EPHA6: variants seen among roughly 807,000 people sequenced by gnomAD.
EPHA6 encodes the protein EPH receptor A6.
Under a neutral mutation model 112.0 loss-of-function variants are expected in EPHA6, and 50 were observed. The ratio of observed to expected loss-of-function variants is 0.45; its 90% CI spans 0.36 to 0.56. EPHA6 has a LOEUF of 0.56. EPHA6 is among the 20% of genes least tolerant of loss of function. The probability of loss-of-function intolerance (pLI) is 0.00; values close to 1 mark genes in which losing one functional copy is unlikely to be tolerated. For synonymous variants in EPHA6, 529 were observed against 490.7 expected (o/e 1.08, Z -1.03); for missense variants, 1,280 against 1,417.4 (o/e 0.90, Z 1.56).
chr3:97,327,263 ATTC>A (rs746541864), intron 5 of EPHA6, among the ~76,000 whole-genome samples: 11 of 152,000 alleles, frequency 7.2e-5, no homozygotes, highest in Non-Finnish European at 1.5e-4. Flanking sequence ...CATGAGTGCA[ATTC>A]TTATTTTTAA....
At chr3:97,386,515 C>A (rs1367744368) in intron 5 of EPHA6, among the ~76,000 whole-genome samples, 1 of 152,196 alleles carries the variant, frequency 6.6e-6, no homozygotes, top group Non-Finnish European at 1.5e-5. Flanking sequence ...CCAGGGCACA[C>A]TGATGCAAAA....
chr3:97,297,858 A>G (rs2080932910), intron 5 of EPHA6, among the ~76,000 whole-genome samples: 1 of 151,956 alleles, frequency 6.6e-6, no homozygotes, highest in Admixed American at 6.6e-5. Context: ...CCACTGCCCC[A>G]GTTCAAGTGA....
At chr3:96,911,511 A>G (rs568460440) in intron 2 of EPHA6, among the ~76,000 whole-genome samples, 2 of 152,174 alleles carry the variant, frequency 1.3e-5, no homozygotes, top group South Asian at 4.1e-4. Flanking sequence ...GAGCATGCCC[A>G]TGGAATACAG....
chr3:97,550,467 C>G (rs571136157), intron 11 of EPHA6, among the ~76,000 whole-genome samples: 6 of 152,172 alleles, frequency 3.9e-5, no homozygotes, highest in African/African-American at 1.4e-4. Flanking sequence ...TCTCTTCGTC[C>G]AAACACCAAA....
At chr3:97,547,699 G>A (rs1044091829) in intron 11 of EPHA6, among the ~76,000 whole-genome samples, 1 of 152,212 alleles carries the variant, frequency 6.6e-6, no homozygotes, top group South Asian at 2.1e-4. Flanking sequence ...TTGAGCTGTG[G>A]TGGGCTCCAC....
At chr3:96,843,889 T>C (rs1296523371) in intron 1 of EPHA6, among the ~76,000 whole-genome samples, 1 of 152,052 alleles carries the variant, frequency 6.6e-6, no homozygotes, top group Non-Finnish European at 1.5e-5. Context: ...TTTTATTATT[T>C]GAAAAAAACC....
intron 5 of EPHA6, among the ~76,000 whole-genome samples, chr3:97,390,210 A>G (rs2086318631): frequency 6.6e-6 from 1 of 152,110 alleles, no homozygotes; most frequent in Non-Finnish European, 1.5e-5. Context: ...GGCTTGAACC[A>G]GAAACAATGG....
intron 3 of EPHA6, among the ~76,000 whole-genome samples, chr3:96,994,808 A>G (rs1189939586): frequency 6.8e-6 from 1 of 147,648 alleles, no homozygotes; most frequent in Non-Finnish European, 1.5e-5. Flanking sequence ...GTATATATAT[A>G]TATAGAGAGA....
intron 6 of EPHA6, chr3:97,447,819 G>A: frequency 9.9e-7 from 1 of 1,013,712 alleles, no homozygotes; most frequent in Non-Finnish European, 1.2e-6. Flanking sequence ...CCCTGCCTCT[G>A]ATTCTGCAGG....
chr3:97,416,977 A>G (rs2088181269), intron 6 of EPHA6, among the ~76,000 whole-genome samples: 1 of 152,166 alleles, frequency 6.6e-6, no homozygotes, highest in Non-Finnish European at 1.5e-5. Flanking sequence ...TCTTTAACAT[A>G]TTTATAATCA....
chr3:97,194,673 T>G (rs1001151473), intron 3 of EPHA6, among the ~76,000 whole-genome samples: 1 of 150,400 alleles, frequency 6.6e-6, no homozygotes, highest in Non-Finnish European at 1.5e-5. Flanking sequence ...GTGTTGAAGT[T>G]GCCATCTATT....
chr3:97,667,014 T>A (rs1170837009), intron 14 of EPHA6, among the ~76,000 whole-genome samples: 2 of 152,226 alleles, frequency 1.3e-5, no homozygotes, highest in South Asian at 2.1e-4. Context: ...ATCTACCTCT[T>A]TTTATTAAAC....
intron 3 of EPHA6, among the ~76,000 whole-genome samples, chr3:97,090,212 A>G (rs1252325461): frequency 6.6e-6 from 1 of 152,084 alleles, no homozygotes; most frequent in Non-Finnish European, 1.5e-5. Context: ...AAACTGTTTC[A>G]AAATGGATTA....
chr3:97,436,452 G>A (rs2089842150), intron 6 of EPHA6, among the ~76,000 whole-genome samples: 1 of 152,092 alleles, frequency 6.6e-6, no homozygotes, highest in South Asian at 2.1e-4. Flanking sequence ...ATGGGAAAAA[G>A]TGAAAAATAA....
Position 97,161,122 on chromosome 3 carries a change from A to T in EPHA6, c.1115-65142A>T, listed in dbSNP as rs567096401. On this transcript the variant is annotated intron_variant, in intron 3 of 17. Transcript: ENST00000389672. Reference sequence around the variant, plus strand: ...ATGATGGAGTGTTGTTTGCATGCCCAACTTTATGGCTTCATAGGTTAGTTA... The same window carrying T: ...ATGATGGAGTGTTGTTTGCATGCCCTACTTTATGGCTTCATAGGTTAGTTA... Among the ~76,000 whole-genome samples the T allele has an allele frequency of 2.6e-4, 39 of 152,254 alleles. No homozygotes were observed. In the South Asian group the frequency reaches 7.9e-3, roughly 31 times the overall value.
chr3:96,870,733 C>T (rs1193696713), intron 2 of EPHA6, among the ~76,000 whole-genome samples: 1 of 152,052 alleles, frequency 6.6e-6, no homozygotes, highest in Non-Finnish European at 1.5e-5. Flanking sequence ...AGATTACAAT[C>T]AACCTCTGTA....
Position 97,748,857 on chromosome 3 carries a change from A to G in EPHA6, c.*156A>G. Reference sequence around the variant, plus strand: ...ACACCTTATGTTTATGCTTCCAACCAGGATTTTAAAATCATGCTACATAAA... The same window carrying G: ...ACACCTTATGTTTATGCTTCCAACCGGGATTTTAAAATCATGCTACATAAA... On this transcript the variant is annotated 3_prime_UTR_variant, in exon 18 of 18. Coordinates refer to ENST00000389672, the MANE Select transcript of EPHA6 (RefSeq NM_001080448.3). 5 of 599,152 alleles carry G rather than the reference A, an allele frequency of 8.3e-6. No individual in the cohort carries two copies. The highest frequency in any genetic ancestry group is 1.5e-5 in the Non-Finnish European group (5 of 332,080). The allele number at this position is 599,152 out of a possible 1,614,324, so 37.1% of individuals were successfully genotyped here.
At chr3:97,687,573 A>G (rs566885004) in intron 14 of EPHA6, among the ~76,000 whole-genome samples, 14 of 152,268 alleles carry the variant, frequency 9.2e-5, no homozygotes, top group African/African-American at 3.1e-4. Flanking sequence ...TTATTTTTAT[A>G]CTGTATTTTC....
At chr3:97,491,541 A>T (rs77257077) in intron 10 of EPHA6, among the ~76,000 whole-genome samples, 1 of 151,600 alleles carries the variant, frequency 6.6e-6, no homozygotes, top group African/African-American at 2.4e-5. Context: ...CCACTTTCTT[A>T]TACCTGTATT....
Sources: allele counts gnomAD v4.1 joint callset (sites outside exome capture counted in the v4.1 genomes callset), GRCh38; gene constraint gnomAD v4.1.1; transcripts MANE v1.5; gene names NCBI Gene and HGNC (gene_info 2026-07-23, HGNC 2026-07-21).